Variants in SLC36A1 observed in about 807,000 individuals in gnomAD.
SLC36A1 encodes the protein proton-coupled amino acid transporter 1.
A neutral mutation model predicts 47.5 loss-of-function variants in SLC36A1; 30 were observed. That is an observed-to-expected ratio of 0.63 (90% CI 0.47 to 0.86). The LOEUF is 0.86. Among genes scored for constraint, SLC36A1 ranks in the 40% least tolerant of loss-of-function variants. The pLI is 0.00. For missense variants in SLC36A1, 517 were observed against 606.0 expected (o/e 0.85, Z 1.54); for synonymous variants, 255 against 249.7 (o/e 1.02, Z -0.20).
At chr5:151,392,910 T>C in the SLC36A1 span, among the ~76,000 whole-genome samples, 1,279 of 152,326 alleles carry the variant, frequency 8.4e-3, 10 homozygotes, top group Middle Eastern at 0.027. Flanking sequence ...TGTAGATGTC[T>C]ATTAGGTCAG....
At chr5:151,383,829 T>G in the SLC36A1 span, among the ~76,000 whole-genome samples, 2 of 152,174 alleles carry the variant, frequency 1.3e-5, no homozygotes, top group African/African-American at 4.8e-5. Flanking sequence ...CGCCTCGGCC[T>G]CCCAAGGTGC....
At chr5:151,395,195 C>G in the SLC36A1 span, among the ~76,000 whole-genome samples, 2 of 152,204 alleles carry the variant, frequency 1.3e-5, no homozygotes, top group Admixed American at 6.5e-5. Context: ...GGGCGTGGGA[C>G]CCTCTGAGCC....
At chr5:151,405,543 G>A in the SLC36A1 span, among the ~76,000 whole-genome samples, 5 of 151,724 alleles carry the variant, frequency 3.3e-5, no homozygotes, top group East Asian at 1.9e-4. Context: ...CTTTCTTGCC[G>A]TTCTATATCC....
At chr5:151,377,766 G>A in the SLC36A1 span, among the ~76,000 whole-genome samples, 1 of 152,076 alleles carries the variant, frequency 6.6e-6, no homozygotes, top group Admixed American at 6.5e-5. Context: ...TCACCATTAT[G>A]TAATTATTTT....
chr5:151,355,079 G>A, the SLC36A1 span, among the ~76,000 whole-genome samples: 2 of 152,144 alleles, frequency 1.3e-5, no homozygotes, highest in Admixed American at 1.3e-4. Context: ...CAAAAAGTCT[G>A]GCTGCTCGCT....
chr5:151,391,707 T>A, the SLC36A1 span, among the ~76,000 whole-genome samples: 2 of 152,232 alleles, frequency 1.3e-5, no homozygotes. Context: ...ATTACGTTTA[T>A]TGATTTGTGT....
the SLC36A1 span, chr5:151,512,411 G>A: frequency 6.2e-7 from 1 of 1,614,246 alleles, no homozygotes; most frequent in South Asian, 1.1e-5. The surrounding 1 kb of genome is among the most constrained non-coding windows in gnomAD (Gnocchi z 4.1). Flanking sequence ...TGCCTTTCGG[G>A]CCTCAGACCA....
At chr5:151,349,881 C>T in the SLC36A1 span, among the ~76,000 whole-genome samples, 1 of 152,220 alleles carries the variant, frequency 6.6e-6, no homozygotes, top group South Asian at 2.1e-4. Context: ...GTTATTTTTG[C>T]CAAGTTCATC....
the SLC36A1 span, among the ~76,000 whole-genome samples, chr5:151,506,717 G>C: frequency 6.6e-6 from 1 of 152,206 alleles, no homozygotes; most frequent in Non-Finnish European, 1.5e-5. Context: ...CCCCTTTTGA[G>C]CCAAAGATGA....
intron 1 of SLC36A1, among the ~76,000 whole-genome samples, chr5:151,437,336 T>G (rs1759828082): frequency 6.6e-6 from 1 of 152,212 alleles, no homozygotes; most frequent in Non-Finnish European, 1.5e-5. Context: ...TCTTTAAAAA[T>G]GCTCATGTTT....
At chr5:151,407,793 C>T in the SLC36A1 span, among the ~76,000 whole-genome samples, 1 of 152,148 alleles carries the variant, frequency 6.6e-6, no homozygotes, top group Admixed American at 6.5e-5. Context: ...TGCTGGATGA[C>T]CAGAGATGCT....
At chr5:151,394,097 T>A in the SLC36A1 span, among the ~76,000 whole-genome samples, 1 of 152,206 alleles carries the variant, frequency 6.6e-6, no homozygotes, top group Admixed American at 6.6e-5. Flanking sequence ...AGGTTTTGTT[T>A]GTTTCCTTTT....
the SLC36A1 span, among the ~76,000 whole-genome samples, chr5:151,386,499 T>C: frequency 6.6e-6 from 1 of 152,184 alleles, no homozygotes; most frequent in Admixed American, 6.5e-5. Flanking sequence ...GATGTCCACT[T>C]GTGTGGACAT....
chr5:151,360,343 T>C, the SLC36A1 span, among the ~76,000 whole-genome samples: 5 of 152,208 alleles, frequency 3.3e-5, no homozygotes, highest in African/African-American at 9.7e-5. Context: ...TGCTGTATTC[T>C]TATAATAAAG....
chr5:151,416,202 A>G, the SLC36A1 span, among the ~76,000 whole-genome samples: 1 of 152,336 alleles, frequency 6.6e-6, no homozygotes, highest in East Asian at 1.9e-4. Flanking sequence ...GCCCAGGTTC[A>G]GAAACCATCT....
At position 151,490,987 on chromosome 5, in the gene SLC36A1, G is replaced by A. The variant is rs1345516860; in HGVS notation, c.*2733G>A. ...GGAGCAAAGGCTTTCGGGAGTGTGA[G>A]GCTGCATCTGCTGGAGCAAAGGGAA... On this transcript the variant is annotated 3_prime_UTR_variant, in exon 11 of 11. Transcript: ENST00000243389. 2.0e-5 allele frequency: 3 copies of A among 152,260 alleles called. No individual in the cohort carries two copies. 9.4% of individuals were successfully genotyped at this position (152,260 alleles called of 1,614,324 possible).
chr5:151,542,985 T>C, the SLC36A1 span: 1 of 1,614,208 alleles, frequency 6.2e-7, no homozygotes, highest in East Asian at 2.2e-5. Context: ...CTGCCACTGC[T>C]TTAACAATCC....
At chr5:151,356,438 C>T in the SLC36A1 span, among the ~76,000 whole-genome samples, 1,244 of 151,722 alleles carry the variant, frequency 8.2e-3, 21 homozygotes, top group African/African-American at 0.028. Flanking sequence ...GTTACTCACA[C>T]CTCCTCCGAG....
the SLC36A1 span, among the ~76,000 whole-genome samples, chr5:151,498,862 C>T: frequency 6.6e-6 from 1 of 152,216 alleles, no homozygotes; most frequent in Non-Finnish European, 1.5e-5. Context: ...CAGAACTTTA[C>T]AGCTCCCTCC....
Sources: allele counts gnomAD v4.1 joint callset (sites outside exome capture counted in the v4.1 genomes callset), GRCh38; gene constraint gnomAD v4.1.1; non-coding constraint Gnocchi (gnomAD v3.1); transcripts MANE v1.5; gene names NCBI Gene and HGNC (gene_info 2026-07-23, HGNC 2026-07-21).